NEMP2: variants seen among roughly 807,000 people sequenced by gnomAD.
The protein encoded by NEMP2 is UPF0571 transmembrane protein.
NEMP2 carries 53 observed loss-of-function variants against 54.2 expected under a neutral mutation model. The ratio of observed to expected loss-of-function variants is 0.98; its 90% confidence interval spans 0.78 to 1.23. NEMP2 has a LOEUF of 1.23. NEMP2 is among the 50% of genes most tolerant of loss of function. The pLI is 0.00. For missense variants in NEMP2, 455 were observed against 511.3 expected (o/e 0.89, Z 1.06); for synonymous variants, 197 against 190.3 (o/e 1.04, Z -0.29).
At position 190,505,401 on chromosome 2, in the gene NEMP2, G is replaced by T. The variant is rs1033208815; in HGVS notation, c.*3788C>A. Reference sequence around the variant, plus strand: ...AGGTGCAAATTAAGAGGTATCGAAGGTGCCTCATATAGTGCCTGATGGATC... The same window carrying T: ...AGGTGCAAATTAAGAGGTATCGAAGTTGCCTCATATAGTGCCTGATGGATC... On this transcript the variant is annotated 3_prime_UTR_variant, in exon 9 of 9. Coordinates refer to ENST00000409150, the MANE Select transcript of NEMP2 (RefSeq NM_001142645.2). This position sits in a 1 kb window ranked among gnomAD's most constrained non-coding sequence, Gnocchi z 5.8. 2 of 152,056 alleles carry T rather than the reference G, an allele frequency of 1.3e-5. No homozygotes were observed. The highest frequency in any genetic ancestry group is 4.8e-5 in the African/African-American group (2 of 41,384). 9.4% of individuals were successfully genotyped at this position (152,056 alleles called of 1,614,324 possible).
the NEMP2 span, among the ~76,000 whole-genome samples, chr2:190,497,086 C>T: frequency 1.3e-5 from 2 of 152,124 alleles, no homozygotes; most frequent in South Asian, 2.1e-4. This position sits in a 1 kb window ranked among gnomAD's most constrained non-coding sequence, Gnocchi z 5.2. Context: ...ATAACTATCA[C>T]GTGGCTTTTC....
chr2:190,546,272 G>C, the NEMP2 span, among the ~76,000 whole-genome samples: 1 of 151,920 alleles, frequency 6.6e-6, no homozygotes, highest in South Asian at 2.1e-4. The surrounding 1 kb of genome is among the most constrained non-coding windows in gnomAD (Gnocchi z 5.1). Context: ...CATACAGACT[G>C]TTTTCCCTTG....
chr2:190,459,906 C>T, the NEMP2 span, among the ~76,000 whole-genome samples: 1 of 152,228 alleles, frequency 6.6e-6, no homozygotes, highest in African/African-American at 2.4e-5. The surrounding 1 kb of genome is among the most constrained non-coding windows in gnomAD (Gnocchi z 5.3). Context: ...TTCTAATTCA[C>T]TCTCTGACAT....
At chr2:190,496,895 T>C in the NEMP2 span, among the ~76,000 whole-genome samples, 3 of 152,142 alleles carry the variant, frequency 2.0e-5, no homozygotes, top group African/African-American at 7.2e-5. This position sits in a 1 kb window ranked among gnomAD's most constrained non-coding sequence, Gnocchi z 4.7. Context: ...TATGATGGAC[T>C]TTGGGGACTC....
At chr2:190,497,965 C>G in the NEMP2 span, 1 of 349,700 alleles carries the variant, frequency 2.9e-6, no homozygotes, top group Non-Finnish European at 5.2e-6. The surrounding 1 kb of genome is among the most constrained non-coding windows in gnomAD (Gnocchi z 5.2). Context: ...TCTTTCACTT[C>G]TTGAAAGAAA....
chr2:190,597,263 C>CA, the NEMP2 span, among the ~76,000 whole-genome samples: 12,252 of 114,030 alleles, frequency 0.11, 616 homozygotes, highest in African/African-American at 0.17. The surrounding 1 kb of genome is among the most constrained non-coding windows in gnomAD (Gnocchi z 4.7). Flanking sequence ...ACTCTGTCTC[C>CA]AAAAAAAAAA....
chr2:190,619,900 C>G, the NEMP2 span, among the ~76,000 whole-genome samples: 1 of 152,108 alleles, frequency 6.6e-6, no homozygotes, highest in South Asian at 2.1e-4. The surrounding 1 kb of genome is among the most constrained non-coding windows in gnomAD (Gnocchi z 5.5). Flanking sequence ...TTCAATGAAT[C>G]CTGCCATACT....
the NEMP2 span, among the ~76,000 whole-genome samples, chr2:190,440,676 A>G: frequency 2.6e-5 from 4 of 152,220 alleles, no homozygotes; most frequent in Non-Finnish European, 5.9e-5. Flanking sequence ...ATTTTAAGGG[A>G]CACAGAAAAA....
the NEMP2 span, among the ~76,000 whole-genome samples, chr2:190,545,874 A>T: frequency 6.6e-6 from 1 of 152,114 alleles, no homozygotes; most frequent in African/African-American, 2.4e-5. Flanking sequence ...ATCTGGCTAC[A>T]TTCAAGTATG....
chr2:190,515,834 G>A (rs1250622571), intron 6 of NEMP2, among the ~76,000 whole-genome samples: 1 of 152,120 alleles, frequency 6.6e-6, no homozygotes, highest in Admixed American at 6.5e-5. Context: ...TAGCCTCTGT[G>A]TTTCTGAAAA....
chr2:190,436,996 C>A, the NEMP2 span: 1 of 1,614,224 alleles, frequency 6.2e-7, no homozygotes, highest in Non-Finnish European at 8.5e-7. This position sits in a 1 kb window ranked among gnomAD's most constrained non-coding sequence, Gnocchi z 5.3. Context: ...ACACAGAGAT[C>A]GCTATGGGTT....
chr2:190,568,996 GT>G, the NEMP2 span, among the ~76,000 whole-genome samples: 3 of 152,070 alleles, frequency 2.0e-5, no homozygotes, highest in African/African-American at 7.2e-5. The surrounding 1 kb of genome is among the most constrained non-coding windows in gnomAD (Gnocchi z 4.7). Context: ...AGAAACAGCA[GT>G]TTAAAATGTG....
At chr2:190,632,180 T>G in the NEMP2 span, among the ~76,000 whole-genome samples, 4 of 152,160 alleles carry the variant, frequency 2.6e-5, no homozygotes, top group Non-Finnish European at 5.9e-5. The surrounding 1 kb of genome is among the most constrained non-coding windows in gnomAD (Gnocchi z 4.8). Flanking sequence ...AGCTTGACCA[T>G]TTCACTAGTG....
chr2:190,452,286 CAAT>C, the NEMP2 span, among the ~76,000 whole-genome samples: 17 of 152,000 alleles, frequency 1.1e-4, no homozygotes, highest in African/African-American at 2.2e-4. Flanking sequence ...ACAACAACAA[CAAT>C]AACAAAACTC....
At chr2:190,569,799 A>C in the NEMP2 span, among the ~76,000 whole-genome samples, 1 of 152,250 alleles carries the variant, frequency 6.6e-6, no homozygotes, top group Non-Finnish European at 1.5e-5. Flanking sequence ...CTAGTCTTGC[A>C]ATGAGACCCT....
chr2:190,541,136 C>A, the NEMP2 span, among the ~76,000 whole-genome samples: 1 of 150,954 alleles, frequency 6.6e-6, no homozygotes, highest in South Asian at 2.1e-4. The surrounding 1 kb of genome is among the most constrained non-coding windows in gnomAD (Gnocchi z 5.2). Context: ...AAAAGTTTGT[C>A]GATTTTATCT....
the NEMP2 span, chr2:190,608,239 A>G: frequency 6.6e-6 from 1 of 152,154 alleles, no homozygotes; most frequent in South Asian, 2.1e-4. The surrounding 1 kb of genome is among the most constrained non-coding windows in gnomAD (Gnocchi z 4.9). Flanking sequence ...TTACTTAATA[A>G]TGGTCCCAAT....
the NEMP2 span, among the ~76,000 whole-genome samples, chr2:190,571,848 ACCTCCCTG>A: frequency 6.6e-6 from 1 of 151,730 alleles, no homozygotes; most frequent in Non-Finnish European, 1.5e-5. Flanking sequence ...TAATGAGATC[ACCTCCCTG>A]CCCTCCACAC....
chr2:190,590,885 G>C, the NEMP2 span, among the ~76,000 whole-genome samples: 1 of 151,880 alleles, frequency 6.6e-6, no homozygotes, highest in African/African-American at 2.4e-5. This position sits in a 1 kb window ranked among gnomAD's most constrained non-coding sequence, Gnocchi z 5.1. Flanking sequence ...TTGCAAGTAG[G>C]GTAAAATATC....
Sources: gnomAD v4.1 joint callset for allele counts (sites outside exome capture counted in the v4.1 genomes callset) on GRCh38, gnomAD v4.1.1 for gene constraint, Gnocchi (gnomAD v3.1) non-coding constraint, MANE v1.5 for transcripts, NCBI Gene and HGNC (gene_info 2026-07-23, HGNC 2026-07-21) for gene names.